The following ETAA1 variants were observed in gnomAD, a reference collection of about 807,000 sequenced individuals.
ETAA1 encodes ETAA1 activator of ATR kinase.
ETAA1 carries 49 observed loss-of-function variants against 76.8 expected under a neutral mutation model. The ratio of observed to expected loss-of-function variants is 0.64; its 90% confidence interval spans 0.51 to 0.81. ETAA1 has a LOEUF of 0.81. ETAA1 is among the 30% of genes least tolerant of loss of function. The probability of loss-of-function intolerance (pLI) is 0.00; values close to 1 mark genes in which losing one functional copy is unlikely to be tolerated. For synonymous variants in ETAA1, 373 were observed against 372.2 expected (o/e 1.00, Z -0.03); for missense variants, 1,099 against 1,074.0 (o/e 1.02, Z -0.32).
At chr2:67,405,393 AATT>A in intron 5 of ETAA1, 58 bp downstream of exon 5, 3 of 1,355,296 alleles carry the variant, frequency 2.2e-6, no homozygotes, top group Non-Finnish European at 3.0e-6. Context: ...GTAGTAAAAT[AATT>A]ATTTGTTGTT....
Position 67,403,704 on chromosome 2 carries a change from G to A in ETAA1, c.1022G>A (p.Arg341Gln), listed in dbSNP as rs547474628. The change falls in exon 5 of 6, where the codon CGA (arginine) becomes CAA (glutamine). Residue 341 changes from arginine to glutamine, a missense_variant. Around this residue, in one of 3 missense-constraint regions of ETAA1, gnomAD observed 761 missense variants for 731.9 expected, o/e 1.04. Transcript: ENST00000272342. ...VIEKLSNKTP[R>Q]SLSSQVDTPI... Reference sequence around the variant, plus strand: ...GAAAAACTGTCAAATAAAACCCCACGATCACTTTCTTCTCAAGTAGATACA... The same window carrying A: ...GAAAAACTGTCAAATAAAACCCCACAATCACTTTCTTCTCAAGTAGATACA... 60 of 1,613,308 alleles carry A rather than the reference G, an allele frequency of 3.7e-5. No individual in the cohort carries two copies. The highest frequency in any genetic ancestry group is 2.0e-4 in the South Asian group (18 of 91,048).
intron 5 of ETAA1, 115 bp downstream of exon 5, chr2:67,405,450 GTTAATT>G: frequency 1.4e-6 from 1 of 717,670 alleles, no homozygotes; most frequent in Admixed American, 3.5e-5. Context: ...TCTATGACTA[GTTAATT>G]TTAAGAATTA....
In ETAA1 at chr2:67,404,274, A is replaced by T. The variant is rs138547626; in HGVS notation, c.1592A>T (p.Glu531Val). Residue 531 changes from glutamate to valine, a missense_variant, in exon 5 of 6, where the codon GAA becomes GTA. Transcript: ENST00000272342. The part of the protein sequence containing the change: ...KSALNTRYSN[E>V]QKNKCILNQS... ...GCTTTGAACACAAGGTATTCTAATGAACAGAAAAATAAGTGCATTTTAAAT... is the reference window on the plus strand; with the variant it reads ...GCTTTGAACACAAGGTATTCTAATGTACAGAAAAATAAGTGCATTTTAAAT... The T allele has an allele frequency of 1.9e-6, 3 of 1,612,140 alleles. No individual in the cohort carries two copies. The African/African-American group carries it at 4.0e-5, about 22-fold the overall frequency.
intron 1 of ETAA1, among the ~76,000 whole-genome samples, chr2:67,398,958 G>A (rs1675976983): frequency 6.6e-6 from 1 of 152,212 alleles, no homozygotes; most frequent in African/African-American, 2.4e-5. Context: ...TTATCTAGAA[G>A]TGTTTGCTAT....
rs1166553767 is a variant in ETAA1 at position 67,411,656 on chromosome 2, T to G, written c.*1618T>G. On this transcript the variant is annotated 3_prime_UTR_variant, in exon 6 of 6. Transcript: ENST00000272342. ...TATCACTTTTGCATCACGTTAGAGT[T>G]GAAAAATTGTAAGTCAACCATTTTA... 1 of 152,094 alleles carries G rather than the reference T, an allele frequency of 6.6e-6. No homozygotes were observed. The highest frequency in any genetic ancestry group is 1.5e-5 in the Non-Finnish European group (1 of 67,996). The allele number at this position is 152,094 out of a possible 1,614,324, so 9.4% of individuals were successfully genotyped here. A position where few individuals can be genotyped will look rare whatever the true frequency, so the allele number is the denominator to read the frequency against.
At chr2:67,402,754 A>T in intron 3 of ETAA1, 108 bp from the exon 4 acceptor site, 1 of 651,666 alleles carries the variant, frequency 1.5e-6, no homozygotes, top group African/African-American at 1.9e-5. Flanking sequence ...TAGGAAATTA[A>T]TTCAAAATCA....
rs987623132 is a variant in ETAA1, at chr2:67,397,338, C to A, written c.-111C>A. The A allele has an allele frequency of 3.3e-6, 4 of 1,208,682 alleles. No individual in the cohort carries two copies. Among genetic ancestry groups the A allele is most frequent in the Non-Finnish European group, 4.8e-6 (4 of 837,570 alleles). The allele number at this position is 1,208,682 out of a possible 1,614,324, so 74.9% of individuals were successfully genotyped here. ...CCGCCTCTTGCGCGCGCCCCACCGACCAAAATGGCGGCTGCCGTTGGTGCG... is the reference window on the plus strand; with the variant it reads ...CCGCCTCTTGCGCGCGCCCCACCGAACAAAATGGCGGCTGCCGTTGGTGCG... On this transcript the variant is annotated 5_prime_UTR_variant, in exon 1 of 6. Transcript: ENST00000272342.
rs752253930 is a variant in ETAA1 at position 67,404,208 on chromosome 2, ATAT to A, written c.1528_1530del (p.Ile510del). On this transcript the variant is annotated inframe_deletion, in exon 5 of 6. Coordinates refer to ENST00000272342, the MANE Select transcript of ETAA1 (RefSeq NM_019002.4). The stretch of plus-strand genomic sequence containing the variant: ...TCTAATCTGACAAAAATAAAGGAAG[ATAT>A]TCTTACTAACTCTACTGAAGCTTCT... 4.7e-5 allele frequency: 75 copies of A among 1,611,484 alleles called. No homozygotes were observed. Among genetic ancestry groups the A allele is most frequent in the Non-Finnish European group, 6.1e-5 (72 of 1,178,840 alleles).
In ETAA1 at chr2:67,399,515, G is replaced by T. The variant is rs1348843037; in HGVS notation, c.353-35G>T. On this transcript the variant is annotated intron_variant, in intron 2 of 5. Coordinates refer to ENST00000272342, the MANE Select transcript of ETAA1 (RefSeq NM_019002.4). ...TGTTTTTTAAAATGGAGGGTTTTTT[G>T]TTTAAAATTTATAGAAATGTCTTTG... 4 of 1,511,956 alleles carry T rather than the reference G, an allele frequency of 2.6e-6. No individual in the cohort carries two copies. In the Admixed American group the frequency reaches 7.6e-5, roughly 29 times the overall value. The allele number at this position is 1,511,956 out of a possible 1,614,324, so 93.7% of individuals were successfully genotyped here.
Position 67,397,590 on chromosome 2 carries a change from G to C in ETAA1, c.142G>C (p.Ala48Pro), listed in dbSNP as rs1314412292. Reference protein sequence around the residue: ...RSARGSWPCGAREGPPGPVRQ... With the variant: ...RSARGSWPCGPREGPPGPVRQ... ...GGCCCGCGGTTCGTGGCCCTGCGGG[G>C]CTAGAGAGGGGCCTCCCGGGCCAGT... Residue 48 changes from alanine (A) to proline (P), a missense_variant, in exon 1 of 6, where the codon GCT becomes CCT. Ala to Pro is a conservative substitution (Grantham distance 27, BLOSUM62 -1). Coordinates refer to ENST00000272342, the MANE Select transcript of ETAA1 (RefSeq NM_019002.4). The C allele has an allele frequency of 2.6e-6, 4 of 1,554,276 alleles. No homozygotes were observed. In the Admixed American group the frequency reaches 7.7e-5, roughly 30 times the overall value.
rs1304469277 is a variant in ETAA1, at chr2:67,403,782, C to G, written c.1100C>G (p.Ser367Cys). Residue 367 changes from serine to cysteine, a missense_variant, in exon 5 of 6, where the codon TCT becomes TGT. Physicochemically the swap from Ser to Cys is moderately radical, Grantham distance 112. Around this residue, in one of 3 missense-constraint regions of ETAA1, gnomAD observed 761 missense variants for 731.9 expected, o/e 1.04. Transcript: ENST00000272342. Reference protein sequence around the residue: ...VTSCTKEPETSNKYIDAFTTS... With the variant: ...VTSCTKEPETCNKYIDAFTTS... ...TCCTGTACTAAGGAGCCAGAAACTT[C>G]TAATAAGTACATTGATGCATTTACT... 1.2e-6 allele frequency: 2 copies of G among 1,613,274 alleles called. No individual in the cohort carries two copies. Among genetic ancestry groups the G allele is most frequent in the Non-Finnish European group, 1.7e-6 (2 of 1,179,432 alleles).
intron 5 of ETAA1, among the ~76,000 whole-genome samples, chr2:67,409,270 A>G (rs1454491006): frequency 2.6e-5 from 4 of 152,048 alleles, no homozygotes; most frequent in Non-Finnish European, 4.4e-5. Context: ...GCCTCAACTT[A>G]CTAAGTTAAT....
At position 67,405,313 on chromosome 2, in the gene ETAA1, A is replaced by G. The variant is rs747010684; in HGVS notation, c.2631A>G (p.Glu877=). 6.5e-7 allele frequency: 1 copy of G among 1,546,000 alleles called. No individual in the cohort carries two copies. Among genetic ancestry groups the G allele is most frequent in the Non-Finnish European group, 8.7e-7 (1 of 1,150,002 alleles). Residue 877 remains glutamate, a synonymous_variant, in exon 5 of 6, where the codon GAA becomes GAG. Transcript: ENST00000272342. ...VGQQSLVKLS[E]SLKQSSKEEE... ...AGCAATCTTTGGTGAAACTTTCTGA[A>G]TCTTTGAAACAATCTTCAAAAGGTA...
chr2:67,402,604 AT>A, intron 3 of ETAA1: 1 of 189,522 alleles, frequency 5.3e-6, no homozygotes, highest in Non-Finnish European at 1.1e-5. Flanking sequence ...TTAAAACAAT[AT>A]TTTTTTAAAA....
Position 67,403,426 on chromosome 2 carries a change from T to C in ETAA1, c.744T>C (p.Asp248=), listed in dbSNP as rs1391276744. The change falls in exon 5 of 6, where the codon GAT becomes GAC. Residue 248 remains aspartate (D), a synonymous_variant. Transcript: ENST00000272342. ...TACATAATATAGTTCCCGAAATAGA[T>C]AATGCTACAAAAAAGCCAATCAAAG... The part of the protein sequence containing the change: ...WSLHNIVPEI[D]NATKKPIKGN... The C allele has an allele frequency of 6.2e-7, 1 of 1,611,610 alleles. No individual in the cohort carries two copies. The highest frequency in any genetic ancestry group is 8.5e-7 in the Non-Finnish European group (1 of 1,178,040).
rs1676327012 is a variant in ETAA1 at position 67,409,972 on chromosome 2, A to C, written c.2715A>C (p.Ala905=). The change falls in exon 6 of 6, where the codon GCA becomes GCC. Residue 905 remains alanine, a synonymous_variant. Transcript: ENST00000272342. ...PEEIQRKRQE[A]LVRRMAKARA... The stretch of plus-strand genomic sequence containing the variant: ...AAATTCAGAGAAAAAGACAAGAAGC[A>C]CTGGTTCGGAGAATGGCTAAAGCAC... 1.2e-6 allele frequency: 2 copies of C among 1,609,222 alleles called. No homozygotes were observed. Among genetic ancestry groups the C allele is most frequent in the South Asian group, 2.2e-5 (2 of 90,060 alleles).
At chr2:67,407,155 G>T (rs536951137) in intron 5 of ETAA1, among the ~76,000 whole-genome samples, 1 of 151,324 alleles carries the variant, frequency 6.6e-6, no homozygotes, top group South Asian at 2.1e-4. Flanking sequence ...ACACCCAAGG[G>T]TGTCCAATCT....
In ETAA1 at chr2:67,411,043, TG is replaced by T. The variant is rs1676358649; in HGVS notation, c.*1006del. ...GAATCTTTTTTCTTTTCAGTTTTTC[TG>T]TAACTGTAATTTTCCCCTCAATTAA... On this transcript the variant is annotated 3_prime_UTR_variant, in exon 6 of 6. Transcript: ENST00000272342. The T allele has an allele frequency of 1.3e-5, 2 of 152,226 alleles. No individual in the cohort carries two copies. Among genetic ancestry groups the T allele is most frequent in the African/African-American group, 4.8e-5 (2 of 41,564 alleles). 9.4% of individuals were successfully genotyped at this position (152,226 alleles called of 1,614,324 possible).
chr2:67,407,301 T>G (rs1219048798), intron 5 of ETAA1, among the ~76,000 whole-genome samples: 1 of 151,784 alleles, frequency 6.6e-6, no homozygotes. Flanking sequence ...TAAAAAAGTT[T>G]ATGAATTTGT....
Sources: gnomAD v4.1 joint callset for allele counts (sites outside exome capture counted in the v4.1 genomes callset) on GRCh38, gnomAD v4.1.1 for gene constraint, gnomAD v4.1.1 regional missense constraint, MANE v1.5 for transcripts, NCBI Gene and HGNC (gene_info 2026-07-23, HGNC 2026-07-21) for gene names.